Variants in NEK10 observed in about 807,000 individuals in gnomAD.
The protein encoded by NEK10 is serine/threonine-protein kinase Nek10.
Under a neutral mutation model 159.8 loss-of-function variants are expected in NEK10, and 122 were observed. The ratio of observed to expected loss-of-function variants is 0.76; its 90% CI spans 0.66 to 0.89. The LOEUF is 0.89. NEK10 is among the 40% of genes least tolerant of loss of function. The probability of loss-of-function intolerance (pLI) is 0.00; values close to 1 mark genes in which losing one functional copy is unlikely to be tolerated. For synonymous variants in NEK10, 466 were observed against 457.1 expected (o/e 1.02, Z -0.25); for missense variants, 1,342 against 1,323.1 (o/e 1.01, Z -0.22).
chr3:27,349,289 T>A (rs2047794261), intron 3 of NEK10, among the ~76,000 whole-genome samples: 1 of 152,152 alleles, frequency 6.6e-6, no homozygotes, highest in Admixed American at 6.5e-5. Context: ...CCTTCAGATA[T>A]TTGATTATTT....
chr3:27,219,463 G>T (rs1951874863), intron 23 of NEK10, among the ~76,000 whole-genome samples: 1 of 152,186 alleles, frequency 6.6e-6, no homozygotes. Context: ...TATGACAAGG[G>T]TTACATCTGC....
chr3:27,271,434 A>G (rs1305736132), intron 22 of NEK10, among the ~76,000 whole-genome samples: 2 of 152,178 alleles, frequency 1.3e-5, no homozygotes, highest in East Asian at 1.9e-4. Flanking sequence ...TAATTTTAGC[A>G]TACAATTCTT....
chr3:27,182,964 G>A (rs540719324), intron 26 of NEK10, among the ~76,000 whole-genome samples: 1 of 152,008 alleles, frequency 6.6e-6, no homozygotes, highest in South Asian at 2.1e-4. Context: ...GAACGGTTGG[G>A]TACAAAAATA....
chr3:27,286,467 T>C (rs1188371435), intron 20 of NEK10, among the ~76,000 whole-genome samples: 2 of 150,034 alleles, frequency 1.3e-5, no homozygotes, highest in South Asian at 2.1e-4. Flanking sequence ...GTGCAACCTC[T>C]GCCTCCAGGG....
At chr3:27,166,862 G>T (rs145372504) in intron 29 of NEK10, among the ~76,000 whole-genome samples, 1 of 152,034 alleles carries the variant, frequency 6.6e-6, no homozygotes, top group Non-Finnish European at 1.5e-5. Flanking sequence ...AGGGAGGCTG[G>T]GGCAGGAGAA....
intron 32 of NEK10, among the ~76,000 whole-genome samples, chr3:27,126,086 T>C (rs1460104092): frequency 2.6e-5 from 4 of 152,202 alleles, no homozygotes; most frequent in Non-Finnish European, 5.9e-5. Flanking sequence ...TAAGTCATGA[T>C]TATTATATGC....
intron 16 of NEK10, among the ~76,000 whole-genome samples, chr3:27,293,280 A>G (rs939118823): frequency 2.6e-5 from 4 of 152,252 alleles, no homozygotes; most frequent in Admixed American, 2.0e-4. Flanking sequence ...GCCATCTTTT[A>G]AAAATGTTAA....
At chr3:27,206,662 C>A in intron 23 of NEK10, 2 of 983,626 alleles carry the variant, frequency 2.0e-6, no homozygotes, top group Non-Finnish European at 2.4e-6. Flanking sequence ...TCTTCAAGCC[C>A]CTCAAGTGCG....
chr3:27,348,463 T>C (rs1280188276), intron 3 of NEK10, among the ~76,000 whole-genome samples: 3 of 152,216 alleles, frequency 2.0e-5, no homozygotes, highest in Admixed American at 6.5e-5. Context: ...AGTAGGCACC[T>C]TGAAGCAAGT....
Position 27,346,082 on chromosome 3 carries a change from T to C in NEK10, c.263+4A>G. The C allele has an allele frequency of 6.2e-7, 1 of 1,613,466 alleles. No homozygotes were observed. On this transcript the variant is annotated splice_donor_region_variant and intron_variant, in intron 4 of 35. Transcript: ENST00000691995. ...GAAGACGAAGGAGATGCTGGATTTC[T>C]TACCTAAAATTTTCAAGTTCAACAG...
At chr3:27,322,920 G>A (rs534367505) in intron 5 of NEK10, among the ~76,000 whole-genome samples, 3 of 152,282 alleles carry the variant, frequency 2.0e-5, no homozygotes, top group South Asian at 4.1e-4. Context: ...AGCACTGAGG[G>A]TGTTTTTGGT....
intron 23 of NEK10, among the ~76,000 whole-genome samples, chr3:27,241,860 T>C (rs750865741): frequency 6.6e-6 from 1 of 152,178 alleles, no homozygotes; most frequent in Non-Finnish European, 1.5e-5. Context: ...AAATGGAATC[T>C]TGAGCCTGGA....
At chr3:27,186,423 G>T (rs909902661) in intron 26 of NEK10, among the ~76,000 whole-genome samples, 1 of 152,176 alleles carries the variant, frequency 6.6e-6, no homozygotes, top group Non-Finnish European at 1.5e-5. Context: ...AATTTCTTCT[G>T]GAGCTCAAAA....
At chr3:27,290,557 A>T in intron 19 of NEK10, 60 bp downstream of exon 19, 1 of 1,255,562 alleles carries the variant, frequency 8.0e-7, no homozygotes. Flanking sequence ...CCACAACTCT[A>T]CTTTCTTGCA....
rs150357946 is a variant in NEK10, at chr3:27,151,821, A to C, written c.2870-10239T>G. Among the ~76,000 whole-genome samples the C allele has an allele frequency of 4.4e-3, 665 of 152,326 alleles. 3 individuals are homozygous for C. Among genetic ancestry groups the C allele is most frequent in the African/African-American group, 0.016 (645 of 41,570 alleles). ...ATAGTTTAAAGTAAAAACAATAAAAAATTCAGGTAACATTGGACACACTTA... is the reference window on the plus strand; with the variant it reads ...ATAGTTTAAAGTAAAAACAATAAAACATTCAGGTAACATTGGACACACTTA... On this transcript the variant is annotated intron_variant, in intron 30 of 35. Transcript: ENST00000691995.
At chr3:27,336,329 A>G (rs2046799699) in intron 5 of NEK10, among the ~76,000 whole-genome samples, 2 of 152,184 alleles carry the variant, frequency 1.3e-5, no homozygotes, top group Admixed American at 1.3e-4. Flanking sequence ...ACCAATAATG[A>G]GTAGCAAGAT....
At chr3:27,297,409 G>T (rs568534494) in intron 13 of NEK10, among the ~76,000 whole-genome samples, 169 bp from the exon 14 acceptor site, 2 of 152,288 alleles carry the variant, frequency 1.3e-5, no homozygotes, top group South Asian at 2.1e-4. Flanking sequence ...AAGAAAAGAA[G>T]TTGACTTGTA....
rs774561004 is a variant in NEK10 at position 27,312,151 on chromosome 3, G to A, written c.516C>T (p.Tyr172=). Residue 172 remains tyrosine (Y), a synonymous_variant, in exon 8 of 36, where the codon TAC becomes TAT. Coordinates refer to ENST00000691995, the MANE Select transcript of NEK10 (RefSeq NM_001394966.1). ...AQYMEIVANE[Y]LGYGEEQHTV... Reference sequence around the variant, plus strand: ...TGTGCTGCTCTTCTCCATAGCCGAGGTACTCATTGGCTACAATCTCCATAT... The same window carrying A: ...TGTGCTGCTCTTCTCCATAGCCGAGATACTCATTGGCTACAATCTCCATAT... The A allele has an allele frequency of 6.2e-7, 1 of 1,611,430 alleles. No individual in the cohort carries two copies. Among genetic ancestry groups the A allele is most frequent in the Non-Finnish European group, 8.5e-7 (1 of 1,178,646 alleles).
intron 32 of NEK10, among the ~76,000 whole-genome samples, chr3:27,126,424 A>G (rs1029529103): frequency 2.6e-5 from 4 of 152,302 alleles, no homozygotes; most frequent in East Asian, 1.9e-4. Flanking sequence ...CCAGGATACA[A>G]TTGCATCTGG....
Sources: gnomAD v4.1 joint callset for allele counts (sites outside exome capture counted in the v4.1 genomes callset) on GRCh38, gnomAD v4.1.1 for gene constraint, MANE v1.5 for transcripts, NCBI Gene and HGNC (gene_info 2026-07-23, HGNC 2026-07-21) for gene names.